FBXL17: variants seen among roughly 807,000 people sequenced by gnomAD.
The protein encoded by FBXL17 is F-box and leucine rich repeat protein 17, also known as F-box/LRR-repeat protein 17.
A neutral mutation model predicts 66.2 loss-of-function variants in FBXL17; 22 were observed. That is an observed-to-expected ratio of 0.33 (90% confidence interval 0.24 to 0.47). The LOEUF (loss-of-function observed/expected upper bound fraction) is 0.47. Ranked by LOEUF, FBXL17 falls within the 20% of genes least tolerant of loss-of-function variation. The pLI is 1.00. For synonymous variants in FBXL17, 474 were observed against 400.5 expected (o/e 1.18, Z -2.19); for missense variants, 878 against 948.2 (o/e 0.93, Z 0.97).
chr5:107,970,867 G>C (rs935119604), intron 7 of FBXL17, among the ~76,000 whole-genome samples: 1 of 152,168 alleles, frequency 6.6e-6, no homozygotes, highest in African/African-American at 2.4e-5. Flanking sequence ...GAAAAGCCCA[G>C]AGAAAAATGT....
chr5:108,096,572 G>A (rs1580435000), intron 6 of FBXL17, among the ~76,000 whole-genome samples: 2 of 152,298 alleles, frequency 1.3e-5, no homozygotes, highest in East Asian at 3.9e-4. Flanking sequence ...TGCACTCATT[G>A]GCTCAACTTG....
At chr5:107,891,944 C>A (rs199950122) in intron 7 of FBXL17, among the ~76,000 whole-genome samples, 4 of 152,026 alleles carry the variant, frequency 2.6e-5, no homozygotes, top group African/African-American at 9.7e-5. Flanking sequence ...TTGAAAATAT[C>A]GTAACTTGAA....
chr5:108,275,968 A>G (rs1456053654), intron 4 of FBXL17, among the ~76,000 whole-genome samples: 2 of 152,226 alleles, frequency 1.3e-5, no homozygotes, highest in Admixed American at 1.3e-4. Flanking sequence ...CAACATAACC[A>G]GGAGAAAACA....
rs114741201 is a variant in FBXL17 at position 108,030,507 on chromosome 5, T to C, written c.1746-9506A>G. On this transcript the variant is annotated intron_variant, in intron 6 of 8. Transcript: ENST00000542267. ...ACATTCCCAATCCAGTACTCAGATT[T>C]GCGTTATTTTAAAGGATAAACCAAA... Among the ~76,000 whole-genome samples, 1,083 of 152,250 alleles carry C rather than the reference T, an allele frequency of 7.1e-3. 14 individuals are homozygous for C. Among genetic ancestry groups the C allele is most frequent in the African/African-American group, 0.025 (1,039 of 41,560 alleles).
chr5:107,999,220 A>G (rs960017036), intron 7 of FBXL17, among the ~76,000 whole-genome samples: 1 of 152,060 alleles, frequency 6.6e-6, no homozygotes, highest in Non-Finnish European at 1.5e-5. Flanking sequence ...AAGAATAATG[A>G]TATTTTATCT....
chr5:107,888,364 A>G (rs570602458), intron 7 of FBXL17, among the ~76,000 whole-genome samples: 3 of 152,310 alleles, frequency 2.0e-5, no homozygotes, highest in South Asian at 4.1e-4. Context: ...AGTTTTAATT[A>G]ACTTTCTGGA....
intron 6 of FBXL17, among the ~76,000 whole-genome samples, chr5:108,085,441 T>G (rs1561402259): frequency 6.6e-6 from 1 of 152,210 alleles, no homozygotes; most frequent in Non-Finnish European, 1.5e-5. Flanking sequence ...CCAGGAAAAG[T>G]TGACTCCACT....
chr5:108,261,231 G>A (rs1398289303), intron 4 of FBXL17, among the ~76,000 whole-genome samples: 2 of 151,848 alleles, frequency 1.3e-5, no homozygotes, highest in Non-Finnish European at 2.9e-5. Context: ...TGAACATCCA[G>A]ATAACAGGAG....
At chr5:108,103,607 T>G (rs1580445083) in intron 6 of FBXL17, among the ~76,000 whole-genome samples, 1 of 152,206 alleles carries the variant, frequency 6.6e-6, no homozygotes, top group African/African-American at 2.4e-5. Context: ...TTAGCTTTTA[T>G]GTCATGTATT....
intron 7 of FBXL17, among the ~76,000 whole-genome samples, chr5:107,995,913 T>C (rs1163394087): frequency 6.6e-6 from 1 of 152,116 alleles, no homozygotes; most frequent in Non-Finnish European, 1.5e-5. Context: ...GCCCAAAAAA[T>C]CAGAATCTGT....
chr5:108,229,636 C>T (rs752192009), intron 4 of FBXL17, among the ~76,000 whole-genome samples: 5 of 152,058 alleles, frequency 3.3e-5, no homozygotes, highest in Admixed American at 6.6e-5. Context: ...ATCGGAAAAA[C>T]CCTTGTAGAC....
At chr5:108,218,261 G>T (rs1754699588) in intron 5 of FBXL17, among the ~76,000 whole-genome samples, 1 of 151,876 alleles carries the variant, frequency 6.6e-6, no homozygotes, top group Admixed American at 6.6e-5. Flanking sequence ...GCCCACCTCG[G>T]CCTCCCAAAG....
chr5:108,227,355 T>A lies in FBXL17; in HGVS notation c.1507-3127A>T, dbSNP rs536287108. Reference sequence around the variant, plus strand: ...TTCGTCTCCCGCACCTCCAAAAAAATTTCCATTTACAAAATTATCTTCTTG... The same window carrying A: ...TTCGTCTCCCGCACCTCCAAAAAAAATTCCATTTACAAAATTATCTTCTTG... On this transcript the variant is annotated intron_variant, in intron 4 of 8. Transcript: ENST00000542267. Among the ~76,000 whole-genome samples, 7 of 152,304 alleles carry A rather than the reference T, an allele frequency of 4.6e-5. No homozygotes were observed. In the South Asian group the frequency reaches 1.5e-3, roughly 32 times the overall value.
intron 7 of FBXL17, among the ~76,000 whole-genome samples, chr5:107,952,456 G>C (rs1345297052): frequency 3.9e-5 from 6 of 152,170 alleles, no homozygotes; most frequent in Non-Finnish European, 8.8e-5. Flanking sequence ...GAAATGATGA[G>C]TATTTTAATA....
intron 5 of FBXL17, among the ~76,000 whole-genome samples, chr5:108,200,477 A>T (rs1753846688): frequency 1.3e-5 from 2 of 151,916 alleles, no homozygotes; most frequent in African/African-American, 4.8e-5. Flanking sequence ...GTATTCCTGT[A>T]CTTTGCCTGA....
chr5:108,068,208 T>C (rs913507731), intron 6 of FBXL17, among the ~76,000 whole-genome samples: 3 of 152,192 alleles, frequency 2.0e-5, no homozygotes, highest in Non-Finnish European at 4.4e-5. Flanking sequence ...CACAAAGTTG[T>C]TAATTTTTGC....
chr5:108,105,470 G>A (rs1195524659), intron 6 of FBXL17, among the ~76,000 whole-genome samples: 1 of 152,214 alleles, frequency 6.6e-6, no homozygotes, highest in East Asian at 1.9e-4. Context: ...ATTAGATCTT[G>A]CATATGTTCT....
At chr5:108,253,029 A>T (rs1440486439) in intron 4 of FBXL17, among the ~76,000 whole-genome samples, 1 of 152,138 alleles carries the variant, frequency 6.6e-6, no homozygotes, top group Non-Finnish European at 1.5e-5. Context: ...ATTCCAAAGA[A>T]CTGCAATAAT....
intron 7 of FBXL17, among the ~76,000 whole-genome samples, chr5:107,996,764 C>G (rs1278512241): frequency 1.3e-5 from 2 of 152,154 alleles, no homozygotes; most frequent in Non-Finnish European, 2.9e-5. Flanking sequence ...AAAAAATGTG[C>G]CTGTCTTCAC....
Sources: gnomAD v4.1 joint callset for allele counts (sites outside exome capture counted in the v4.1 genomes callset) on GRCh38, gnomAD v4.1.1 for gene constraint, MANE v1.5 for transcripts, NCBI Gene and HGNC (gene_info 2026-07-23, HGNC 2026-07-21) for gene names.